Variants in BCL2L13 observed in about 807,000 individuals in gnomAD.
BCL2L13 encodes bcl-2-like protein 13.
Under a neutral mutation model 25.8 loss-of-function variants are expected in BCL2L13, and 13 were observed. That is an observed-to-expected ratio of 0.50 (90% CI 0.33 to 0.80). The LOEUF (loss-of-function observed/expected upper bound fraction) is 0.80, where lower values mean the gene tolerates loss of function less well. Among genes scored for constraint, BCL2L13 ranks in the 30% least tolerant of loss-of-function variants. The probability of loss-of-function intolerance (pLI) is 0.02; values close to 1 mark genes in which losing one functional copy is unlikely to be tolerated. For synonymous variants in BCL2L13, 244 were observed against 230.3 expected (o/e 1.06, Z -0.54); for missense variants, 504 against 574.9 (o/e 0.88, Z 1.26).
intron 2 of BCL2L13, among the ~76,000 whole-genome samples, chr22:17,674,046 G>A (rs890418582): frequency 2.6e-5 from 4 of 152,042 alleles, no homozygotes; most frequent in Non-Finnish European, 4.4e-5. Flanking sequence ...TTTGTAATCT[G>A]TTTAGAATGA....
chr22:17,676,778 A>AT (rs2059587064), intron 2 of BCL2L13, among the ~76,000 whole-genome samples: 1 of 152,172 alleles, frequency 6.6e-6, no homozygotes, highest in South Asian at 2.1e-4. Context: ...ACCTGTTATA[A>AT]TTATAAACAG....
At chr22:17,628,907 G>T (rs1192350009), upstream of BCL2L13, 4 of 516,862 alleles carry the variant, frequency 7.7e-6, no homozygotes, top group Non-Finnish European at 1.4e-5. Context: ...GACCTGACCG[G>T]TATTTTTTTC....
intron 2 of BCL2L13, among the ~76,000 whole-genome samples, chr22:17,682,908 C>T (rs1601641207): frequency 2.0e-5 from 3 of 152,160 alleles, no homozygotes; most frequent in African/African-American, 4.8e-5. Context: ...CCGAGGCAGG[C>T]GGATCACAAG....
chr22:17,631,155 G>C (rs2058005900), intron 1 of BCL2L13, among the ~76,000 whole-genome samples: 1 of 150,694 alleles, frequency 6.6e-6, no homozygotes, highest in Non-Finnish European at 1.5e-5. Context: ...GGAGTGCAGT[G>C]GTGCAAACTC....
chr22:17,643,807 G>GT, intron 1 of BCL2L13, among the ~76,000 whole-genome samples: 1 of 151,704 alleles, frequency 6.6e-6, no homozygotes, highest in Non-Finnish European at 1.5e-5. Context: ...TAGAGATGGG[G>GT]TTTCACCGTG....
In BCL2L13 at chr22:17,657,979, G is replaced by A. The variant is rs550732521; in HGVS notation, c.121+2147G>A. 1.7e-3 allele frequency among the ~76,000 whole-genome samples: 260 copies of A among 151,240 alleles called. 3 individuals carry two copies. The highest frequency in any genetic ancestry group is 5.8e-3 in the African/African-American group (238 of 41,248). ...CTGGGATTACAGGCGCATGCCACCAGCCCGGCTAATTTTTGAAATTTTAGT... is the reference window on the plus strand; with the variant it reads ...CTGGGATTACAGGCGCATGCCACCAACCCGGCTAATTTTTGAAATTTTAGT... On this transcript the variant is annotated intron_variant, in intron 2 of 6. Transcript: ENST00000317582.
chr22:17,671,631 T>C (rs1455250782), intron 2 of BCL2L13, among the ~76,000 whole-genome samples: 1 of 152,096 alleles, frequency 6.6e-6, no homozygotes, highest in Non-Finnish European at 1.5e-5. Context: ...TGTTTCGCCA[T>C]GTTCCTCAGG....
intron 5 of BCL2L13, among the ~76,000 whole-genome samples, chr22:17,701,151 G>A (rs761871646): frequency 6.6e-6 from 1 of 151,814 alleles, no homozygotes; most frequent in African/African-American, 2.4e-5. Flanking sequence ...AATTTTTGAC[G>A]ACTTTTAAGT....
At chr22:17,718,177 A>G (rs2061000457) in intron 6 of BCL2L13, among the ~76,000 whole-genome samples, 1 of 152,136 alleles carries the variant, frequency 6.6e-6, no homozygotes, top group Non-Finnish European at 1.5e-5. Context: ...AGGGAGGGAA[A>G]AGAAGATTGC....
intron 1 of BCL2L13, among the ~76,000 whole-genome samples, chr22:17,643,347 G>T (rs1449665613): frequency 6.6e-6 from 1 of 150,636 alleles, no homozygotes; most frequent in African/African-American, 2.4e-5. Flanking sequence ...CAGGTGATCC[G>T]CCCGCCTTAG....
chr22:17,673,533 A>ATT (rs34253686), intron 2 of BCL2L13, among the ~76,000 whole-genome samples: 3 of 131,072 alleles, frequency 2.3e-5, no homozygotes, highest in African/African-American at 5.6e-5. Flanking sequence ...ATGCCTGGCA[A>ATT]TTTTTTTTTT....
upstream of BCL2L13, among the ~76,000 whole-genome samples, chr22:17,635,875 A>G (rs1345049343): frequency 1.6e-3 from 2 of 1,254 alleles, no homozygotes; most frequent in East Asian, 0.059. Flanking sequence ...ATGCCCAGCT[A>G]ATTTTTTGTA....
At chr22:17,726,583 A>T in intron 6 of BCL2L13, 94 bp from the exon 7 acceptor site, 1 of 1,382,064 alleles carries the variant, frequency 7.2e-7, no homozygotes, top group South Asian at 1.4e-5. Context: ...CATTCCTAGA[A>T]CTTCAGTTTA....
intron 4 of BCL2L13, among the ~76,000 whole-genome samples, chr22:17,693,372 G>GTTTT (rs869268984): frequency 1.4e-5 from 1 of 70,612 alleles, no homozygotes; most frequent in Non-Finnish European, 2.7e-5. Context: ...TTTAGTGTTT[G>GTTTT]TTTTTTTTTT....
upstream of BCL2L13, among the ~76,000 whole-genome samples, chr22:17,636,793 C>T (rs2058115140): frequency 1.3e-5 from 2 of 149,780 alleles, no homozygotes; most frequent in South Asian, 4.2e-4. Flanking sequence ...GACTCTGTCT[C>T]GAGAAAATAA....
intron 4 of BCL2L13, among the ~76,000 whole-genome samples, chr22:17,695,278 G>A (rs1166900182): frequency 6.6e-6 from 1 of 152,170 alleles, no homozygotes; most frequent in Non-Finnish European, 1.5e-5. Flanking sequence ...TCAGGAAGAA[G>A]GAAAGACCAA....
Position 17,660,660 on chromosome 22 carries a change from A to G in BCL2L13, c.121+4828A>G, listed in dbSNP as rs539249498. Reference sequence around the variant, plus strand: ...GGCTGGTCTTGAACTCCGGACCTCAAGTGATCCGCTCACCTTGGCCTCCCA... The same window carrying G: ...GGCTGGTCTTGAACTCCGGACCTCAGGTGATCCGCTCACCTTGGCCTCCCA... On this transcript the variant is annotated intron_variant, in intron 2 of 6. Transcript: ENST00000317582. Among the ~76,000 whole-genome samples the G allele has an allele frequency of 9.3e-4, 134 of 144,792 alleles. 3 individuals are homozygous for G. Among genetic ancestry groups the G allele is most frequent in the African/African-American group, 3.1e-3 (125 of 40,932 alleles). 95.0% of individuals were successfully genotyped at this position (144,792 alleles called of 152,430 possible).
upstream of BCL2L13, among the ~76,000 whole-genome samples, chr22:17,633,959 C>G (rs2058067453): frequency 6.6e-6 from 1 of 151,966 alleles, no homozygotes; most frequent in African/African-American, 2.4e-5. Context: ...TACCCCTCCT[C>G]CCTTTGCACA....
intron 6 of BCL2L13, among the ~76,000 whole-genome samples, chr22:17,707,006 A>G (rs1430809593): frequency 6.6e-6 from 1 of 152,198 alleles, no homozygotes; most frequent in Non-Finnish European, 1.5e-5. Flanking sequence ...TGATTTTAGA[A>G]TAGGTTTTTG....
Sources: allele counts gnomAD v4.1 joint callset (sites outside exome capture counted in the v4.1 genomes callset), GRCh38; gene constraint gnomAD v4.1.1; transcripts MANE v1.5; gene names NCBI Gene and HGNC (gene_info 2026-07-23, HGNC 2026-07-21).